NSF: variants seen among roughly 807,000 people sequenced by gnomAD.
NSF encodes vesicle-fusing ATPase.
Under a neutral mutation model 50.3 loss-of-function variants are expected in NSF, and 14 were observed. The ratio of observed to expected loss-of-function variants is 0.28; its 90% CI spans 0.18 to 0.44. NSF has a LOEUF of 0.44. NSF is among the 20% of genes least tolerant of loss of function. The pLI, the probability that NSF is intolerant of heterozygous loss-of-function variation, is 1.00. For missense variants in NSF, 218 were observed against 504.3 expected, an observed-to-expected ratio of 0.43 and a Z score of 5.44; for synonymous variants, 109 against 175.7, an observed-to-expected ratio of 0.62 and a Z score of 3.00.
chr17:46,733,822 C>T (rs1360330382), intron 17 of NSF, among the ~76,000 whole-genome samples: 1 of 152,192 alleles, frequency 6.6e-6, no homozygotes, highest in African/African-American at 2.4e-5. Context: ...TGAAGTAGAA[C>T]TCAGACCTAA....
intron 14 of NSF, among the ~76,000 whole-genome samples, chr17:46,711,537 G>A (rs2058718990): frequency 6.6e-6 from 1 of 152,202 alleles, no homozygotes; most frequent in South Asian, 2.1e-4. Context: ...CGGTGTATGT[G>A]TGTAAAGGTG....
intron 17 of NSF, among the ~76,000 whole-genome samples, chr17:46,730,219 C>A (rs2058935803): frequency 6.6e-6 from 1 of 151,998 alleles, no homozygotes; most frequent in Non-Finnish European, 1.5e-5. Flanking sequence ...ATTATGCACA[C>A]AAAAAAACTT....
chr17:46,680,238 A>G (rs1307194015), intron 9 of NSF, among the ~76,000 whole-genome samples: 2 of 151,558 alleles, frequency 1.3e-5, no homozygotes, highest in African/African-American at 4.9e-5. Context: ...AAGACTTACT[A>G]GAAAGCAATA....
At chr17:46,621,410 C>T (rs1203051644) in intron 1 of NSF, among the ~76,000 whole-genome samples, 1 of 124,788 alleles carries the variant, frequency 8.0e-6, no homozygotes, top group Non-Finnish European at 1.7e-5. Context: ...CCTCAGCCTC[C>T]CAAGTAGCTG....
At chr17:46,751,391 A>T (rs1380485376) in intron 18 of NSF, 112 bp from the exon 19 acceptor site, 2 of 750,768 alleles carry the variant, frequency 2.7e-6, no homozygotes, top group Non-Finnish European at 4.5e-6. Flanking sequence ...AATTCTATCA[A>T]CTTGAACAGT....
At chr17:46,737,771 A>G (rs1206379545) in intron 17 of NSF, among the ~76,000 whole-genome samples, 1 of 152,080 alleles carries the variant, frequency 6.6e-6, no homozygotes. Context: ...AATCATTCAC[A>G]AATAGTAGTT....
intron 15 of NSF, among the ~76,000 whole-genome samples, chr17:46,716,553 G>A (rs1001838282): frequency 2.0e-5 from 3 of 152,060 alleles, no homozygotes; most frequent in African/African-American, 2.4e-5. Flanking sequence ...CACCGCGCCC[G>A]GCCTGCACCT....
At chr17:46,755,580 T>C in intron 20 of NSF, 1 of 684,970 alleles carries the variant, frequency 1.5e-6, no homozygotes, top group Non-Finnish European at 2.4e-6. Flanking sequence ...CTTGTCACAA[T>C]GCAGGAAAAA....
At chr17:46,681,466 G>T (rs1168420763) in intron 9 of NSF, among the ~76,000 whole-genome samples, 1 of 140,094 alleles carries the variant, frequency 7.1e-6, no homozygotes, top group Non-Finnish European at 1.5e-5. Context: ...CTCCCGCTTG[G>T]GCAACAGAAT....
At chr17:46,606,128 G>A (rs1276814339) in intron 1 of NSF, among the ~76,000 whole-genome samples, 1 of 42,580 alleles carries the variant, frequency 2.3e-5, no homozygotes, top group Admixed American at 3.0e-4. Context: ...GCAGTGAGCC[G>A]AAATCACGCC....
chr17:46,710,152 A>G (rs187172870), intron 13 of NSF, among the ~76,000 whole-genome samples: 2 of 152,300 alleles, frequency 1.3e-5, no homozygotes, highest in East Asian at 3.9e-4. Flanking sequence ...TTCTCAAGAT[A>G]CATGATCTTT....
chr17:46,727,181 G>A (rs1295080870), intron 16 of NSF, among the ~76,000 whole-genome samples: 1 of 152,188 alleles, frequency 6.6e-6, no homozygotes, highest in Admixed American at 6.5e-5. Flanking sequence ...GTGCAGTATA[G>A]TAATTTTTAA....
intron 8 of NSF, among the ~76,000 whole-genome samples, chr17:46,671,895 T>C (rs1218615893): frequency 1.4e-5 from 2 of 145,216 alleles, no homozygotes; most frequent in African/African-American, 5.0e-5. Context: ...ATGTATTTTT[T>C]TTTTAAGTAT....
chr17:46,749,694 C>A, intron 17 of NSF, 79 bp from the exon 18 acceptor site: 2 of 1,326,838 alleles, frequency 1.5e-6, no homozygotes, highest in East Asian at 2.5e-5. Context: ...AAGTCTTTTG[C>A]AAATTGTGTT....
intron 17 of NSF, among the ~76,000 whole-genome samples, chr17:46,740,401 G>A (rs1359686973): frequency 6.6e-6 from 1 of 152,126 alleles, no homozygotes; most frequent in Non-Finnish European, 1.5e-5. Flanking sequence ...CAAATGCTAT[G>A]GATAAAAATC....
At chr17:46,722,966 A>G (rs760820963) in intron 15 of NSF, among the ~76,000 whole-genome samples, 2 of 152,188 alleles carry the variant, frequency 1.3e-5, no homozygotes, top group Non-Finnish European at 2.9e-5. Context: ...CAAGAACGTC[A>G]CTACTTGATA....
intron 17 of NSF, among the ~76,000 whole-genome samples, chr17:46,746,685 G>A (rs1342080337): frequency 1.3e-5 from 2 of 152,120 alleles, no homozygotes; most frequent in African/African-American, 4.8e-5. Context: ...GTAAAGACAG[G>A]CAGTATATGA....
intron 15 of NSF, among the ~76,000 whole-genome samples, chr17:46,721,397 T>G (rs1174552681): frequency 1.3e-5 from 2 of 152,168 alleles, no homozygotes; most frequent in African/African-American, 4.8e-5. Context: ...ATTGTTTCCT[T>G]CTTCAGTTCT....
intron 15 of NSF, among the ~76,000 whole-genome samples, chr17:46,722,894 A>T (rs750417006): frequency 4.6e-5 from 7 of 152,178 alleles, no homozygotes; most frequent in Non-Finnish European, 1.0e-4. Context: ...GTGTTAATAG[A>T]GCTTGCTGTG....
Sources: allele counts gnomAD v4.1 joint callset (sites outside exome capture counted in the v4.1 genomes callset), GRCh38; gene constraint gnomAD v4.1.1; transcripts MANE v1.5; gene names NCBI Gene and HGNC (gene_info 2026-07-23, HGNC 2026-07-21).